The following GTF2IRD1 variants were observed in gnomAD, a reference collection of about 807,000 sequenced individuals.
The protein encoded by GTF2IRD1 is GTF2I repeat domain containing 1, also known as general transcription factor II-I repeat domain-containing protein 1.
GTF2IRD1 carries 26 observed loss-of-function variants against 113.2 expected under a neutral mutation model. The ratio of observed to expected loss-of-function variants is 0.23; its 90% confidence interval spans 0.17 to 0.32. The LOEUF is 0.32. Among genes scored for constraint, GTF2IRD1 ranks in the 10% least tolerant of loss-of-function variants. The pLI, the probability that GTF2IRD1 is intolerant of heterozygous loss-of-function variation, is 1.00. For synonymous variants in GTF2IRD1, 484 were observed against 529.1 expected, an observed-to-expected ratio of 0.91 and a Z score of 1.17; for missense variants, 864 against 1,280.8, an observed-to-expected ratio of 0.67 and a Z score of 4.97.
intron 3 of GTF2IRD1, 48 bp downstream of exon 3, chr7:74,513,019 G>T: frequency 6.3e-7 from 1 of 1,591,302 alleles, no homozygotes; most frequent in Non-Finnish European, 8.6e-7. Flanking sequence ...TTTCCCGAGG[G>T]CAGGCGCTCT....
intron 1 of GTF2IRD1, among the ~76,000 whole-genome samples, chr7:74,503,623 C>T (rs1554340118): frequency 3.3e-5 from 5 of 152,156 alleles, no homozygotes; most frequent in Non-Finnish European, 7.3e-5. Context: ...GTGGTGGGCA[C>T]CTGTAATCCC....
chr7:74,583,176 T>C (rs1387838983), intron 22 of GTF2IRD1, among the ~76,000 whole-genome samples: 3 of 152,008 alleles, frequency 2.0e-5, no homozygotes, highest in Non-Finnish European at 4.4e-5. Flanking sequence ...GCTTGTTTTT[T>C]ATTTTTTAAT....
intron 24 of GTF2IRD1, among the ~76,000 whole-genome samples, chr7:74,592,304 C>T (rs1404237104): frequency 6.6e-6 from 1 of 151,564 alleles, no homozygotes; most frequent in East Asian, 1.9e-4. Flanking sequence ...GGGGTTTCAC[C>T]ATATTGGTCA....
intron 3 of GTF2IRD1, among the ~76,000 whole-genome samples, chr7:74,514,287 C>T (rs1358575562): frequency 6.6e-6 from 1 of 152,084 alleles, no homozygotes; most frequent in South Asian, 2.1e-4. Flanking sequence ...TACTGGGGTG[C>T]AGCCGCATCC....
At position 74,565,611 on chromosome 7, in the gene GTF2IRD1, G is replaced by C. The variant is rs587682244; in HGVS notation, c.2320+5956G>C. Among the ~76,000 whole-genome samples the C allele has an allele frequency of 1.1e-4, 17 of 152,234 alleles. No homozygotes were observed. In the East Asian group the frequency reaches 1.9e-3, roughly 17 times the overall value. Reference sequence around the variant, plus strand: ...GAAGAAGCGGTGGTGACTAAGGCGGGAGAAACCCTCTACCCAGGTAGCTGC... The same window carrying C: ...GAAGAAGCGGTGGTGACTAAGGCGGCAGAAACCCTCTACCCAGGTAGCTGC... On this transcript the variant is annotated intron_variant, in intron 22 of 26. Transcript: ENST00000424337.
At chr7:74,535,492 C>G (rs1444192573) in intron 10 of GTF2IRD1, among the ~76,000 whole-genome samples, 1 of 152,228 alleles carries the variant, frequency 6.6e-6, no homozygotes, top group Non-Finnish European at 1.5e-5. Context: ...CTCCACTCCA[C>G]TACTCTCACG....
chr7:74,526,322 T>C (rs1441954562), intron 8 of GTF2IRD1, among the ~76,000 whole-genome samples: 2 of 151,944 alleles, frequency 1.3e-5, no homozygotes, highest in Admixed American at 1.3e-4. Context: ...GGGAGCTGCG[T>C]GGGGGAGAAG....
intron 22 of GTF2IRD1, among the ~76,000 whole-genome samples, chr7:74,576,492 C>T (rs1376595048): frequency 2.2e-5 from 3 of 139,330 alleles, no homozygotes; most frequent in Non-Finnish European, 3.0e-5. Context: ...ACCCAGGAGG[C>T]GGAGTTTGCA....
chr7:74,542,352 C>G (rs1390793050), intron 14 of GTF2IRD1, among the ~76,000 whole-genome samples: 1 of 150,622 alleles, frequency 6.6e-6, no homozygotes, highest in Non-Finnish European at 1.5e-5. Flanking sequence ...GCCGAGATCA[C>G]GCCACTGCAC....
At chr7:74,482,135 A>G (rs991364006) in intron 1 of GTF2IRD1, among the ~76,000 whole-genome samples, 37 of 152,060 alleles carry the variant, frequency 2.4e-4, no homozygotes, top group African/African-American at 6.5e-4. Context: ...GTTGCAGGGC[A>G]GGATTAAAAA....
chr7:74,600,425 T>TA (rs1802681916), intron 25 of GTF2IRD1, among the ~76,000 whole-genome samples: 2 of 151,988 alleles, frequency 1.3e-5, no homozygotes, highest in East Asian at 3.9e-4. Flanking sequence ...AAAAACAATA[T>TA]AGGCCAGGTT....
chr7:74,460,980 G>C lies in GTF2IRD1; in HGVS notation c.-7+6804G>C, dbSNP rs574815664. 5.3e-5 allele frequency among the ~76,000 whole-genome samples: 8 copies of C among 152,304 alleles called. No homozygotes were observed. The South Asian group carries it at 1.7e-3, about 32-fold the overall frequency. The stretch of plus-strand genomic sequence containing the variant: ...TGCAGCCTCTGGAGTGGGGGAAATG[G>C]GGGGAAAGTAAGGGGCCGGGGTCAT... On this transcript the variant is annotated intron_variant, in intron 1 of 26. Coordinates refer to ENST00000424337, the MANE Select transcript of GTF2IRD1 (RefSeq NM_005685.4).
chr7:74,570,746 T>C (rs1269413593), intron 22 of GTF2IRD1, among the ~76,000 whole-genome samples: 1 of 152,168 alleles, frequency 6.6e-6, no homozygotes, highest in Non-Finnish European at 1.5e-5. Flanking sequence ...ACTGGAGGCA[T>C]TTAAGCAGAG....
At chr7:74,600,842 T>G in intron 25 of GTF2IRD1, 1 of 605,240 alleles carries the variant, frequency 1.7e-6, no homozygotes, top group Non-Finnish European at 2.9e-6. Context: ...CCGGGGAGAG[T>G]GGGCCCTCGG....
chr7:74,526,800 G>T (rs587700197), intron 8 of GTF2IRD1, among the ~76,000 whole-genome samples: 2 of 152,126 alleles, frequency 1.3e-5, no homozygotes, highest in African/African-American at 4.8e-5. Flanking sequence ...TGTGGGAGGT[G>T]GGGGGGAAGT....
chr7:74,483,465 G>C (rs1310886458), intron 1 of GTF2IRD1, among the ~76,000 whole-genome samples: 3 of 152,118 alleles, frequency 2.0e-5, no homozygotes, highest in African/African-American at 7.2e-5. Flanking sequence ...AGAATCGCTT[G>C]AGCCCAGGAA....
chr7:74,476,382 T>TTTTTTTTTTTTTG (rs1794409650), intron 1 of GTF2IRD1, among the ~76,000 whole-genome samples: 1 of 149,230 alleles, frequency 6.7e-6, no homozygotes, highest in Non-Finnish European at 1.5e-5. Flanking sequence ...TTTTTTCTTT[T>TTTTTTTTTTTTTG]GAGACGGAGT....
chr7:74,570,402 G>A (rs1192534961), intron 22 of GTF2IRD1, among the ~76,000 whole-genome samples: 1 of 149,626 alleles, frequency 6.7e-6, no homozygotes, highest in Non-Finnish European at 1.5e-5. Flanking sequence ...CTCATTGCCT[G>A]TAATCCCAGC....
chr7:74,546,418 C>T (rs1554353277), intron 16 of GTF2IRD1, among the ~76,000 whole-genome samples: 1 of 152,004 alleles, frequency 6.6e-6, no homozygotes, highest in African/African-American at 2.4e-5. Context: ...GACAGGGCTT[C>T]ACCATGTTGG....
Sources: gnomAD v4.1 joint callset for allele counts (sites outside exome capture counted in the v4.1 genomes callset) on GRCh38, gnomAD v4.1.1 for gene constraint, MANE v1.5 for transcripts, NCBI Gene and HGNC (gene_info 2026-07-23, HGNC 2026-07-21) for gene names.